The following TMEM132C variants were observed in gnomAD, a reference collection of about 807,000 sequenced individuals.
TMEM132C encodes the protein protein phosphatase 1, regulatory subunit 152.
TMEM132C carries 29 observed loss-of-function variants against 61.4 expected under a neutral mutation model. The ratio of observed to expected loss-of-function variants is 0.47; its 90% CI spans 0.35 to 0.64. The LOEUF (loss-of-function observed/expected upper bound fraction) is 0.64, where lower values mean the gene tolerates loss of function less well. Among genes scored for constraint, TMEM132C ranks in the 30% least tolerant of loss-of-function variants. TMEM132C has a pLI of 0.00. For missense variants in TMEM132C, 1,408 were observed against 1,476.9 expected (o/e 0.95, Z 0.76); for synonymous variants, 656 against 633.1 (o/e 1.04, Z -0.54).
At chr12:128,612,930 C>G (rs1876682708) in intron 3 of TMEM132C, among the ~76,000 whole-genome samples, 1 of 152,118 alleles carries the variant, frequency 6.6e-6, no homozygotes, top group South Asian at 2.1e-4. Flanking sequence ...TTTTTCATGC[C>G]TCTTTCCTCC....
At chr12:128,652,470 G>A (rs1294353202) in intron 4 of TMEM132C, among the ~76,000 whole-genome samples, 1 of 152,236 alleles carries the variant, frequency 6.6e-6, no homozygotes. Flanking sequence ...GATGCAACTC[G>A]CAAGGCAGCC....
intron 2 of TMEM132C, among the ~76,000 whole-genome samples, chr12:128,422,886 A>T (rs1299891186): frequency 6.6e-6 from 1 of 152,130 alleles, no homozygotes; most frequent in African/African-American, 2.4e-5. Context: ...ACCCTGGTTG[A>T]CAACCATGAG....
chr12:128,433,481 AATT>A (rs1869467810), intron 2 of TMEM132C, among the ~76,000 whole-genome samples: 3 of 152,236 alleles, frequency 2.0e-5, no homozygotes, highest in Admixed American at 2.0e-4. Context: ...TTAAGAAAAA[AATT>A]ATCCTGCCTC....
intron 4 of TMEM132C, among the ~76,000 whole-genome samples, chr12:128,652,630 G>A (rs1954283562): frequency 6.6e-6 from 1 of 152,260 alleles, no homozygotes; most frequent in African/African-American, 2.4e-5. Context: ...AACGGGCCCA[G>A]GACAGGAGGC....
rs7302070 is a variant in TMEM132C at position 128,524,204 on chromosome 12, C to T, written c.975-19753C>T. The stretch of plus-strand genomic sequence containing the variant: ...AGAGCTATTGTAGAGTCCAGGGCAA[C>T]TGAATCCTTGATCTATGGGGTACCC... On this transcript the variant is annotated intron_variant, in intron 2 of 8. Coordinates refer to ENST00000435159, the MANE Select transcript of TMEM132C (RefSeq NM_001136103.3). 9.7e-3 allele frequency among the ~76,000 whole-genome samples: 1,476 copies of T among 152,228 alleles called. 18 individuals are homozygous for T. Among genetic ancestry groups the T allele is most frequent in the African/African-American group, 0.034 (1,401 of 41,518 alleles).
chr12:128,454,265 A>G lies in TMEM132C; in HGVS notation c.974+38645A>G, dbSNP rs147377705. Reference sequence around the variant, plus strand: ...TAATGCTTTGCACATATTAATCCACAGGAGGTTAATGCTCTGAATTTTTCA... The same window carrying G: ...TAATGCTTTGCACATATTAATCCACGGGAGGTTAATGCTCTGAATTTTTCA... On this transcript the variant is annotated intron_variant, in intron 2 of 8. Coordinates refer to ENST00000435159, the MANE Select transcript of TMEM132C (RefSeq NM_001136103.3). Among the ~76,000 whole-genome samples, 120 of 152,324 alleles carry G rather than the reference A, an allele frequency of 7.9e-4. 1 individual carries two copies. Among genetic ancestry groups the G allele is most frequent in the African/African-American group, 2.7e-3 (111 of 41,586 alleles).
chr12:128,435,501 C>T (rs1232051522), intron 2 of TMEM132C, among the ~76,000 whole-genome samples: 1 of 152,110 alleles, frequency 6.6e-6, no homozygotes, highest in Non-Finnish European at 1.5e-5. Context: ...TCTTATACAC[C>T]AATAACAGAC....
intron 2 of TMEM132C, among the ~76,000 whole-genome samples, chr12:128,436,700 A>C (rs1297715315): frequency 6.6e-6 from 1 of 152,242 alleles, no homozygotes; most frequent in Non-Finnish European, 1.5e-5. Flanking sequence ...TGTTGGTGGG[A>C]GTGTAAACTA....
At chr12:128,539,683 T>G (rs959451048) in intron 2 of TMEM132C, among the ~76,000 whole-genome samples, 1 of 152,188 alleles carries the variant, frequency 6.6e-6, no homozygotes, top group African/African-American at 2.4e-5. Context: ...AATTCTAGGT[T>G]GGAAATAATC....
intron 1 of TMEM132C, among the ~76,000 whole-genome samples, chr12:128,299,743 C>T (rs573989773): frequency 3.9e-4 from 59 of 152,292 alleles, no homozygotes; most frequent in Admixed American, 1.2e-3. Context: ...ATCCTGCTGC[C>T]GAGGGTCTCT....
rs1042965702 is a variant in TMEM132C at position 128,278,522 on chromosome 12, G to A, written c.85+11035G>A. Among the ~76,000 whole-genome samples the A allele has an allele frequency of 4.6e-5, 7 of 152,052 alleles. No individual in the cohort carries two copies. Among genetic ancestry groups the A allele is most frequent in the African/African-American group, 1.4e-4 (6 of 41,394 alleles). ...CCTTGACCCCAGCCTGTCTCCCTGC[G>A]GCACCGATGCCATGGAGGTGACAGC... On this transcript the variant is annotated intron_variant, in intron 1 of 8. Coordinates refer to ENST00000435159, the MANE Select transcript of TMEM132C (RefSeq NM_001136103.3). This position sits in a 1 kb window ranked among gnomAD's most constrained non-coding sequence, Gnocchi z 4.2.
At chr12:128,410,569 AT>A (rs1002036942) in intron 1 of TMEM132C, among the ~76,000 whole-genome samples, 1 of 151,360 alleles carries the variant, frequency 6.6e-6, no homozygotes, top group African/African-American at 2.4e-5. Flanking sequence ...CACCCCGCTG[AT>A]TTTTTTTGTA....
At chr12:128,329,134 G>T (rs950105952) in intron 1 of TMEM132C, among the ~76,000 whole-genome samples, 5 of 152,152 alleles carry the variant, frequency 3.3e-5, no homozygotes, top group Admixed American at 6.5e-5. Flanking sequence ...CAAGGTTTTG[G>T]TAACCCGGGG....
At chr12:128,432,890 C>A (rs1454820422) in intron 2 of TMEM132C, among the ~76,000 whole-genome samples, 1 of 151,986 alleles carries the variant, frequency 6.6e-6, no homozygotes, top group Non-Finnish European at 1.5e-5. Context: ...ATTCAGCAAG[C>A]CTCATTGTTG....
In TMEM132C at chr12:128,399,400, G is replaced by A. The variant is rs772414488; in HGVS notation, c.86-15332G>A. On this transcript the variant is annotated intron_variant, in intron 1 of 8. Transcript: ENST00000435159. The stretch of plus-strand genomic sequence containing the variant: ...ATACCACCATCTGTGATAAATGGAT[G>A]CCTCTCTCTTTCAATAGATACAGCG... Among the ~76,000 whole-genome samples the A allele has an allele frequency of 1.1e-4, 16 of 152,298 alleles. No homozygotes were observed. In the East Asian group the frequency reaches 3.1e-3, roughly 29 times the overall value.
intron 2 of TMEM132C, among the ~76,000 whole-genome samples, chr12:128,472,229 A>G (rs967484626): frequency 6.6e-6 from 1 of 152,172 alleles, no homozygotes; most frequent in Non-Finnish European, 1.5e-5. Flanking sequence ...CCATGAGATA[A>G]TACAAGATTA....
intron 2 of TMEM132C, among the ~76,000 whole-genome samples, chr12:128,435,974 G>C (rs1869574686): frequency 6.6e-6 from 1 of 152,162 alleles, no homozygotes; most frequent in Admixed American, 6.5e-5. Context: ...GAACAGAACA[G>C]AGGCCTCAGA....
At chr12:128,594,162 C>T (rs1208634006) in intron 3 of TMEM132C, among the ~76,000 whole-genome samples, 4 of 152,050 alleles carry the variant, frequency 2.6e-5, no homozygotes, top group Admixed American at 2.6e-4. Context: ...CCTGGGTCAG[C>T]ACTGAGTCCT....
At chr12:128,411,270 C>A (rs990460618) in intron 1 of TMEM132C, among the ~76,000 whole-genome samples, 3 of 152,116 alleles carry the variant, frequency 2.0e-5, no homozygotes, top group Non-Finnish European at 4.4e-5. Context: ...ATGTGAATCT[C>A]CTGTTACTCA....
Sources: allele counts gnomAD v4.1 joint callset (sites outside exome capture counted in the v4.1 genomes callset), GRCh38; gene constraint gnomAD v4.1.1; non-coding constraint Gnocchi (gnomAD v3.1); transcripts MANE v1.5; gene names NCBI Gene and HGNC (gene_info 2026-07-23, HGNC 2026-07-21).